Variants in DYM observed in about 807,000 individuals in gnomAD.
DYM encodes dyggve-Melchior-Clausen syndrome protein.
Under a neutral mutation model 93.1 loss-of-function variants are expected in DYM, and 78 were observed. The observed-to-expected ratio is 0.84, with a 90% confidence interval of 0.70 to 1.01. The LOEUF is 1.01. Ranked by LOEUF, DYM falls within the 50% of genes least tolerant of loss-of-function variation. The pLI, the probability that DYM is intolerant of heterozygous loss-of-function variation, is 0.00. For missense variants in DYM, 789 were observed against 845.0 expected (o/e 0.93, Z 0.82); for synonymous variants, 321 against 319.7 (o/e 1.00, Z -0.04).
chr18:49,183,449 T>A (rs1021798993), intron 14 of DYM, among the ~76,000 whole-genome samples: 7 of 152,182 alleles, frequency 4.6e-5, no homozygotes, highest in Admixed American at 2.6e-4. Flanking sequence ...GCACACTCCA[T>A]TCTGTTCCTC....
At chr18:49,209,788 T>C (rs1375446905) in intron 13 of DYM, 73 bp from the exon 14 acceptor site, 24 of 1,056,632 alleles carry the variant, frequency 2.3e-5, no homozygotes, top group Non-Finnish European at 2.8e-5. Context: ...TCATTTTTTA[T>C]GTCCTCAAAG....
intron 15 of DYM, among the ~76,000 whole-genome samples, chr18:49,145,070 G>GCCT (rs2084934647): frequency 7.5e-6 from 1 of 134,096 alleles, no homozygotes; most frequent in Non-Finnish European, 1.6e-5. Flanking sequence ...CTGAGCTCCA[G>GCCT]CCTGGGCAAC....
At chr18:49,140,399 T>A (rs892548336) in intron 15 of DYM, among the ~76,000 whole-genome samples, 2 of 152,326 alleles carry the variant, frequency 1.3e-5, no homozygotes, top group East Asian at 1.9e-4. Context: ...TATTATATAA[T>A]GTAAGAGATA....
At chr18:49,352,065 T>A (rs1187825374) in intron 6 of DYM, among the ~76,000 whole-genome samples, 1 of 152,188 alleles carries the variant, frequency 6.6e-6, no homozygotes, top group Non-Finnish European at 1.5e-5. Context: ...TACTGATCCA[T>A]GCTATAACTA....
chr18:49,322,073 A>G lies in DYM; in HGVS notation c.763+9791T>C, dbSNP rs147025239. 1.6e-4 allele frequency among the ~76,000 whole-genome samples: 25 copies of G among 152,262 alleles called. 1 individual carries two copies. The East Asian group carries it at 4.8e-3, about 29-fold the overall frequency. ...CACAATGAATTCAACAGCTTTCTCA[A>G]AAACAGAAATTAGGAATATGAGTTT... is the stretch of plus-strand genomic sequence containing the variant. On this transcript the variant is annotated intron_variant, in intron 8 of 17. Coordinates refer to ENST00000675505, the MANE Select transcript of DYM (RefSeq NM_001353214.3).
At chr18:49,282,881 T>C (rs770780704) in intron 9 of DYM, among the ~76,000 whole-genome samples, 7 of 152,016 alleles carry the variant, frequency 4.6e-5, no homozygotes, top group African/African-American at 9.7e-5. Flanking sequence ...CTACACAAAA[T>C]AGAAAATTCT....
chr18:49,405,632 C>G (rs2071400943), intron 2 of DYM, among the ~76,000 whole-genome samples: 2 of 152,098 alleles, frequency 1.3e-5, no homozygotes, highest in Admixed American at 1.3e-4. Context: ...GTTACTGTAG[C>G]CTTATAGTAT....
intron 13 of DYM, among the ~76,000 whole-genome samples, chr18:49,252,632 G>T (rs1040621705): frequency 6.6e-6 from 1 of 152,128 alleles, no homozygotes; most frequent in Non-Finnish European, 1.5e-5. Context: ...TAAAGTCATA[G>T]ACATATATGT....
chr18:49,289,757 A>ACG (rs2059957285), intron 8 of DYM, among the ~76,000 whole-genome samples: 1 of 37,218 alleles, frequency 2.7e-5, no homozygotes, highest in African/African-American at 1.0e-4. Context: ...ATATATATAT[A>ACG]TATATATATA....
chr18:49,378,113 G>A (rs374214729), intron 5 of DYM, among the ~76,000 whole-genome samples: 19 of 152,146 alleles, frequency 1.2e-4, no homozygotes, highest in Non-Finnish European at 2.5e-4. Flanking sequence ...ATAAAGTGTC[G>A]TAGTCCCAAA....
intron 5 of DYM, among the ~76,000 whole-genome samples, chr18:49,374,786 CCT>C (rs1294435292): frequency 1.1e-4 from 16 of 152,070 alleles, no homozygotes; most frequent in Non-Finnish European, 7.4e-5. Context: ...TGGTGAAACC[CCT>C]GTCTCTACTA....
At chr18:49,297,956 A>G (rs1363951734) in intron 8 of DYM, among the ~76,000 whole-genome samples, 1 of 152,238 alleles carries the variant, frequency 6.6e-6, no homozygotes, top group African/African-American at 2.4e-5. Context: ...AAATGCATGT[A>G]AAACAGTAAC....
At chr18:49,118,019 T>TTTTTTTG (rs1555767052) in intron 16 of DYM, among the ~76,000 whole-genome samples, 1 of 135,004 alleles carries the variant, frequency 7.4e-6, no homozygotes, top group African/African-American at 3.1e-5. Flanking sequence ...TTTTTTTTTT[T>TTTTTTTG]TGTGTGTGAG....
Position 49,206,003 on chromosome 18 carries a change from G to GT in DYM, c.1625+3547dup, listed in dbSNP as rs72500406. 1.4e-3 allele frequency: 196 copies of GT among 142,786 alleles called. 5 individuals carry two copies. Among genetic ancestry groups the GT allele is most frequent in the Non-Finnish European group, 2.1e-3 (151 of 70,464 alleles). The allele number at this position is 142,786 out of a possible 1,614,324, so 8.8% of individuals were successfully genotyped here. On this transcript the variant is annotated intron_variant, in intron 14 of 17. Transcript: ENST00000675505. Reference sequence around the variant, plus strand: ...TTGACTAAGGTAGAGTTTTTTTTTTGTTTTTTTGTTTTTTGCGGAGTCTTG... The same window carrying GT: ...TTGACTAAGGTAGAGTTTTTTTTTTGTTTTTTTTGTTTTTTGCGGAGTCTTG...
intron 5 of DYM, among the ~76,000 whole-genome samples, chr18:49,364,128 G>A (rs2147379881): frequency 6.6e-6 from 1 of 152,208 alleles, no homozygotes; most frequent in Non-Finnish European, 1.5e-5. Context: ...CCACAGTGCA[G>A]CTAAACAAGT....
chr18:49,401,104 A>G (rs568563354), intron 2 of DYM, among the ~76,000 whole-genome samples: 1 of 152,360 alleles, frequency 6.6e-6, no homozygotes, highest in South Asian at 2.1e-4. Flanking sequence ...ACTAATTCAG[A>G]CTAAATAAGT....
chr18:49,272,083 C>A, intron 11 of DYM, 95 bp downstream of exon 11: 5 of 1,055,624 alleles, frequency 4.7e-6, no homozygotes, highest in Admixed American at 1.9e-5. Context: ...CTCACAGGAA[C>A]ATCTACCAGA....
intron 15 of DYM, among the ~76,000 whole-genome samples, chr18:49,133,046 G>C (rs2083515999): frequency 6.6e-6 from 1 of 152,158 alleles, no homozygotes; most frequent in South Asian, 2.1e-4. Flanking sequence ...AAATTATAAT[G>C]CTATACATTC....
intron 6 of DYM, among the ~76,000 whole-genome samples, chr18:49,337,023 T>C (rs1336912790): frequency 6.6e-6 from 1 of 152,218 alleles, no homozygotes; most frequent in Non-Finnish European, 1.5e-5. Context: ...AGGTACTCAA[T>C]GGATAAATAA....
Sources: allele counts gnomAD v4.1 joint callset (sites outside exome capture counted in the v4.1 genomes callset), GRCh38; gene constraint gnomAD v4.1.1; transcripts MANE v1.5; gene names NCBI Gene and HGNC (gene_info 2026-07-23, HGNC 2026-07-21).